Variants in EMSY observed in about 807,000 individuals in gnomAD.
EMSY encodes BRCA2-interacting transcriptional repressor EMSY.
EMSY carries 26 observed loss-of-function variants against 134.6 expected under a neutral mutation model. That is an observed-to-expected ratio of 0.19 (90% confidence interval 0.14 to 0.27). EMSY has a LOEUF of 0.27. Ranked by LOEUF, EMSY falls within the 10% of genes least tolerant of loss-of-function variation. The pLI, the probability that EMSY is intolerant of heterozygous loss-of-function variation, is 1.00. For missense variants in EMSY, 1,305 were observed against 1,611.4 expected (o/e 0.81, Z 3.26); for synonymous variants, 579 against 577.8 (o/e 1.00, Z -0.03).
At chr11:76,477,286 T>G (rs1370467665) in intron 8 of EMSY, among the ~76,000 whole-genome samples, 4 of 150,920 alleles carry the variant, frequency 2.7e-5, no homozygotes, top group Non-Finnish European at 5.9e-5. Context: ...TTTTTTGTTT[T>G]TGTTTTTTGT....
At chr11:76,471,828 C>T (rs544629897) in intron 7 of EMSY, among the ~76,000 whole-genome samples, 57 of 152,262 alleles carry the variant, frequency 3.7e-4, no homozygotes, top group African/African-American at 6.5e-4. Flanking sequence ...ATTTCTATCC[C>T]GTTCACTAGA....
intron 14 of EMSY, among the ~76,000 whole-genome samples, chr11:76,531,017 C>T (rs889499744): frequency 2.0e-5 from 3 of 152,128 alleles, no homozygotes; most frequent in African/African-American, 7.2e-5. Context: ...AGATTCACTA[C>T]TTATTTACAT....
intron 7 of EMSY, among the ~76,000 whole-genome samples, chr11:76,471,198 T>C (rs1408859500): frequency 1.3e-5 from 2 of 152,058 alleles, no homozygotes; most frequent in African/African-American, 4.8e-5. Context: ...ACCTAATAGG[T>C]AGAGTAATGA....
chr11:76,455,152 A>G (rs1170893032), intron 4 of EMSY, among the ~76,000 whole-genome samples: 1 of 152,116 alleles, frequency 6.6e-6, no homozygotes, highest in Non-Finnish European at 1.5e-5. Context: ...TCCTCTCTCC[A>G]TCAGCATGGA....
At chr11:76,472,400 T>TCCC (rs1948609133) in intron 7 of EMSY, among the ~76,000 whole-genome samples, 164 bp from the exon 9 acceptor site, 3 of 152,230 alleles carry the variant, frequency 2.0e-5, no homozygotes, top group Non-Finnish European at 4.4e-5. Flanking sequence ...TTTTGATGAT[T>TCCC]ACTAGTAAAG....
intron 9 of EMSY, among the ~76,000 whole-genome samples, chr11:76,503,071 C>T (rs895892674): frequency 6.6e-6 from 1 of 151,974 alleles, no homozygotes; most frequent in Non-Finnish European, 1.5e-5. Context: ...GGGGCTGAGG[C>T]AGGTGGACCA....
At chr11:76,538,581 A>G (rs1025587056) in intron 16 of EMSY, among the ~76,000 whole-genome samples, 15 of 152,172 alleles carry the variant, frequency 9.9e-5, no homozygotes, top group African/African-American at 3.4e-4. Flanking sequence ...ATTTTTATGC[A>G]TCTAGAGTTT....
intron 19 of EMSY, 53 bp from the exon 21 acceptor site, chr11:76,545,744 G>C: frequency 6.5e-7 from 1 of 1,530,462 alleles, no homozygotes; most frequent in Non-Finnish European, 8.8e-7. Context: ...TGTTTGATTA[G>C]ATTTTCTCAA....
At chr11:76,510,032 A>G (rs536316368) in intron 9 of EMSY, among the ~76,000 whole-genome samples, 1 of 152,336 alleles carries the variant, frequency 6.6e-6, no homozygotes, top group South Asian at 2.1e-4. Context: ...AGCCTGGGTG[A>G]CAGAACAAGA....
At chr11:76,523,704 C>CTTTTATTTTTTTTTT (rs1950731676) in intron 12 of EMSY, among the ~76,000 whole-genome samples, 2 of 80,536 alleles carry the variant, frequency 2.5e-5, no homozygotes, top group Non-Finnish European at 4.5e-5. Context: ...TTGTTACTTT[C>CTTTTATTTTTTTTTT]TTTTTTTTTT....
intron 15 of EMSY, among the ~76,000 whole-genome samples, chr11:76,537,549 T>C (rs956119925): frequency 6.6e-6 from 1 of 152,218 alleles, no homozygotes; most frequent in African/African-American, 2.4e-5. Context: ...GGCTTAGAGA[T>C]AAAAAGGAGA....
At chr11:76,495,622 C>T (rs1949621834) in intron 8 of EMSY, among the ~76,000 whole-genome samples, 1 of 152,108 alleles carries the variant, frequency 6.6e-6, no homozygotes, top group Non-Finnish European at 1.5e-5. Context: ...TGCCCATTTA[C>T]AACTTTTCAT....
exon 2 of EMSY, chr11:76,446,937 C>T (rs143879211): frequency 5.0e-6 from 8 of 1,612,610 alleles, no homozygotes; most frequent in Non-Finnish European, 5.9e-6. Context: ...ACAGAAGCAG[C>T]AATGCCTGTT....
chr11:76,510,712 C>T (rs1027384557), intron 9 of EMSY, among the ~76,000 whole-genome samples: 3 of 152,196 alleles, frequency 2.0e-5, no homozygotes, highest in Non-Finnish European at 4.4e-5. Flanking sequence ...TGCTCTTGCC[C>T]AGAACTTAGC....
chr11:76,515,125 T>G (rs1950404002), intron 10 of EMSY, among the ~76,000 whole-genome samples: 1 of 151,328 alleles, frequency 6.6e-6, no homozygotes, highest in South Asian at 2.1e-4. Flanking sequence ...AAACTAATTC[T>G]ACTTATTGTT....
chr11:76,478,352 T>G (rs1337572387), intron 8 of EMSY, among the ~76,000 whole-genome samples: 1 of 149,938 alleles, frequency 6.7e-6, no homozygotes, highest in Non-Finnish European at 1.5e-5. Flanking sequence ...TTTTTTTTTT[T>G]TTTTTTTTTG....
At chr11:76,546,034 C>A in exon 20 of EMSY, 1 of 1,614,122 alleles carries the variant, frequency 6.2e-7, no homozygotes, top group Non-Finnish European at 8.5e-7. Flanking sequence ...AGTGGATCCC[C>A]CAAAGAAGGC....
chr11:76,508,379 G>T (rs901937175), intron 9 of EMSY, among the ~76,000 whole-genome samples: 4 of 151,140 alleles, frequency 2.6e-5, no homozygotes, highest in Non-Finnish European at 5.9e-5. Flanking sequence ...TCTCAATAGT[G>T]GGCTTAAAAC....
At chr11:76,478,636 C>T (rs529133946) in intron 8 of EMSY, among the ~76,000 whole-genome samples, 21 of 151,824 alleles carry the variant, frequency 1.4e-4, no homozygotes, top group South Asian at 4.2e-4. Flanking sequence ...CCACCGCGCC[C>T]GGCCGTGAAT....
Sources: allele counts gnomAD v4.1 joint callset (sites outside exome capture counted in the v4.1 genomes callset), GRCh38; gene constraint gnomAD v4.1.1; transcripts MANE v1.5; gene names NCBI Gene and HGNC (gene_info 2026-07-23, HGNC 2026-07-21).